Variants in FAM200C observed in about 807,000 individuals in gnomAD.
the FAM200C span, chr5:160,394,038 C>A: frequency 1.9e-6 from 3 of 1,611,508 alleles, no homozygotes; most frequent in Non-Finnish European, 2.5e-6. Flanking sequence ...CTATCATCAA[C>A]AAAATCGATA....
the FAM200C span, chr5:160,393,982 T>G: frequency 6.2e-7 from 1 of 1,613,938 alleles, no homozygotes; most frequent in Non-Finnish European, 8.5e-7. Context: ...CCATTAGGAT[T>G]TGGCCACTAG....
the FAM200C span, chr5:160,395,407 T>C: frequency 4.3e-6 from 7 of 1,614,182 alleles, no homozygotes; most frequent in Admixed American, 1.0e-4. Context: ...ACACACACTG[T>C]GGACGCTGAG....
chr5:160,394,089 T>C, the FAM200C span: 1 of 1,613,272 alleles, frequency 6.2e-7, no homozygotes, highest in Non-Finnish European at 8.5e-7. Context: ...CTTGCCTCAT[T>C]AAGATCTCCA....
At chr5:160,394,996 G>T in the FAM200C span, 6,135 of 1,613,776 alleles carry the variant, frequency 3.8e-3, 163 homozygotes, top group African/African-American at 0.068. Flanking sequence ...GACTGGCTTT[G>T]ATATCTTCTA....
chr5:160,399,254 G>A, the FAM200C span, among the ~76,000 whole-genome samples: 2 of 152,146 alleles, frequency 1.3e-5, no homozygotes, highest in African/African-American at 4.8e-5. Flanking sequence ...TTTATGAAGG[G>A]TAGATATGAA....
At chr5:160,393,990 T>C in the FAM200C span, 2 of 1,613,734 alleles carry the variant, frequency 1.2e-6, no homozygotes, top group Non-Finnish European at 1.7e-6. Flanking sequence ...ATTTGGCCAC[T>C]AGCTCGTAAT....
the FAM200C span, chr5:160,399,513 A>G: frequency 6.6e-6 from 1 of 152,272 alleles, no homozygotes; most frequent in South Asian, 2.1e-4. Context: ...AGCCAGGAGA[A>G]TGGGGGCAGG....
At chr5:160,395,479 T>C in the FAM200C span, 2 of 1,613,710 alleles carry the variant, frequency 1.2e-6, no homozygotes, top group Non-Finnish European at 1.7e-6. Flanking sequence ...CCCATTTGCG[T>C]TTCTTCGACA....
the FAM200C span, chr5:160,395,335 G>A: frequency 6.2e-7 from 1 of 1,614,170 alleles, no homozygotes; most frequent in Non-Finnish European, 8.5e-7. Flanking sequence ...CATGCTGTCT[G>A]TTAAAATGGT....
the FAM200C span, chr5:160,397,565 C>T: frequency 1.3e-5 from 2 of 152,180 alleles, 1 homozygote. Context: ...CCACTTTGGA[C>T]ATTAAAAGAA....
chr5:160,397,374 A>G, the FAM200C span: 6 of 152,376 alleles, frequency 3.9e-5, no homozygotes, highest in Admixed American at 1.3e-4. Flanking sequence ...AATGAAAGCC[A>G]TATCTTTTCT....
chr5:160,397,958 G>A, the FAM200C span, among the ~76,000 whole-genome samples: 2 of 152,196 alleles, frequency 1.3e-5, no homozygotes, highest in African/African-American at 4.8e-5. Flanking sequence ...CATTACAAGA[G>A]GGGCCCTGCA....
the FAM200C span, chr5:160,393,824 G>C: frequency 5.0e-6 from 8 of 1,611,830 alleles, no homozygotes; most frequent in South Asian, 6.6e-5. Flanking sequence ...TCTGGACTTT[G>C]TTTTGAAATG....
At chr5:160,395,612 G>A in the FAM200C span, 2 of 787,732 alleles carry the variant, frequency 2.5e-6, no homozygotes, top group Non-Finnish European at 4.4e-6. Context: ...CACATCACAT[G>A]CTATCTTGTA....
At chr5:160,396,697 G>GAAAAAAAAAAAAAAAAAAAAAA in the FAM200C span, among the ~76,000 whole-genome samples, 1 of 49,266 alleles carries the variant, frequency 2.0e-5, no homozygotes, top group Non-Finnish European at 4.7e-5. Flanking sequence ...AAGTCTCTGT[G>GAAAAAAAAAAAAAAAAAAAAAA]GAAAAAAAAA....
chr5:160,395,138 G>T, the FAM200C span: 1 of 1,613,914 alleles, frequency 6.2e-7, no homozygotes, highest in Non-Finnish European at 8.5e-7. Context: ...CAGTGCACAA[G>T]GTTTCACTAA....
At chr5:160,395,896 TTC>T in the FAM200C span, among the ~76,000 whole-genome samples, 1 of 152,174 alleles carries the variant, frequency 6.6e-6, no homozygotes, top group African/African-American at 2.4e-5. Context: ...TACCACCACC[TTC>T]TTCCACTCAG....
chr5:160,393,866 T>C, the FAM200C span: 105 of 1,613,940 alleles, frequency 6.5e-5, 1 homozygote, highest in South Asian at 1.6e-4. Flanking sequence ...CTCACAAAGG[T>C]ATGTAGTTGC....
chr5:160,398,378 C>A, the FAM200C span, among the ~76,000 whole-genome samples: 1 of 152,168 alleles, frequency 6.6e-6, no homozygotes, highest in South Asian at 2.1e-4. Flanking sequence ...GGCGAAACCT[C>A]GTCTCTACTA....
Sources: gnomAD v4.1 joint callset for allele counts (sites outside exome capture counted in the v4.1 genomes callset) on GRCh38, gnomAD v4.1.1 for gene constraint, MANE v1.5 for transcripts.